PRKG1: variants seen among roughly 807,000 people sequenced by gnomAD.
The protein encoded by PRKG1 is cGMP-dependent protein kinase 1.
Under a neutral mutation model 88.1 loss-of-function variants are expected in PRKG1, and 35 were observed. The observed-to-expected ratio is 0.40, with a 90% CI of 0.30 to 0.53. The LOEUF (loss-of-function observed/expected upper bound fraction) is 0.53, where lower values mean the gene tolerates loss of function less well. Ranked by LOEUF, PRKG1 falls within the 20% of genes least tolerant of loss-of-function variation. PRKG1 has a pLI of 0.59. For synonymous variants in PRKG1, 303 were observed against 292.5 expected (o/e 1.04, Z -0.37); for missense variants, 540 against 839.8 (o/e 0.64, Z 4.41).
In PRKG1 at chr10:51,663,131, G is replaced by T. The variant is rs118045440; in HGVS notation, c.593-141454G>T. 2.9e-3 allele frequency among the ~76,000 whole-genome samples: 436 copies of T among 152,088 alleles called. 4 individuals carry two copies. Among genetic ancestry groups the T allele is most frequent in the African/African-American group, 9.7e-3 (404 of 41,484 alleles). ...GTGATGAAAACAGAACCAGAAAACC[G>T]CAATGAGAAAGGGAAAGAGAAGATA... On this transcript the variant is annotated intron_variant, in intron 3 of 17. Transcript: ENST00000373980.
At chr10:51,685,217 A>G (rs1840957356) in intron 3 of PRKG1, among the ~76,000 whole-genome samples, 1 of 152,166 alleles carries the variant, frequency 6.6e-6, no homozygotes. Context: ...GGGGACAGTA[A>G]GGGCTTGGAA....
intron 1 of PRKG1, among the ~76,000 whole-genome samples, chr10:51,046,044 A>G (rs150215553): frequency 5.6e-4 from 85 of 152,354 alleles, no homozygotes; most frequent in African/African-American, 1.9e-3. Context: ...CCTCAAAGTT[A>G]GTAGATAGCG....
At chr10:52,164,879 C>T (rs1838388245) in intron 9 of PRKG1, among the ~76,000 whole-genome samples, 1 of 152,146 alleles carries the variant, frequency 6.6e-6, no homozygotes, top group South Asian at 2.1e-4. Flanking sequence ...TCTACCACCT[C>T]ACATAGTTAC....
chr10:51,175,334 TAC>T (rs1237236360), intron 2 of PRKG1, among the ~76,000 whole-genome samples: 1 of 151,908 alleles, frequency 6.6e-6, no homozygotes, highest in African/African-American at 2.4e-5. Flanking sequence ...TACACATATA[TAC>T]ACACACATAC....
chr10:51,483,258 T>C (rs189559612), intron 3 of PRKG1, among the ~76,000 whole-genome samples: 44 of 152,238 alleles, frequency 2.9e-4, no homozygotes, highest in African/African-American at 9.4e-4. Flanking sequence ...CTGACCTCAG[T>C]GATCCACATG....
intron 2 of PRKG1, among the ~76,000 whole-genome samples, chr10:51,188,941 T>A (rs180844504): frequency 1.3e-5 from 2 of 151,772 alleles, no homozygotes; most frequent in Non-Finnish European, 2.9e-5. Flanking sequence ...GTGTCTGCAG[T>A]TTAGCTTATT....
At chr10:51,071,674 TA>T (rs566376449), upstream of PRKG1, among the ~76,000 whole-genome samples, 1 of 152,202 alleles carries the variant, frequency 6.6e-6, no homozygotes, top group African/African-American at 2.4e-5. Flanking sequence ...TAATTTAGTG[TA>T]AAAAAACTCA....
chr10:51,745,746 C>T (rs1014557062), intron 3 of PRKG1, among the ~76,000 whole-genome samples: 5 of 152,164 alleles, frequency 3.3e-5, no homozygotes, highest in African/African-American at 9.7e-5. Context: ...TGGTGTCTCA[C>T]GCCTATAATC....
At chr10:51,044,663 G>A (rs1009004931) in intron 1 of PRKG1, among the ~76,000 whole-genome samples, 3 of 152,112 alleles carry the variant, frequency 2.0e-5, no homozygotes, top group Non-Finnish European at 2.9e-5. Flanking sequence ...GAGAGGCAAG[G>A]CAGGCTGTGG....
chr10:52,178,158 T>C (rs1004653514), intron 9 of PRKG1, among the ~76,000 whole-genome samples: 1 of 152,054 alleles, frequency 6.6e-6, no homozygotes, highest in Admixed American at 6.5e-5. Context: ...TTCTTAAGAA[T>C]GCTTTGCTGT....
chr10:52,044,952 G>C (rs10823999), intron 5 of PRKG1, among the ~76,000 whole-genome samples: 2 of 151,982 alleles, frequency 1.3e-5, no homozygotes, highest in East Asian at 3.9e-4. Flanking sequence ...TTAAACCTTT[G>C]TGTCAACTCC....
At chr10:51,826,005 C>T (rs897496261) in intron 4 of PRKG1, among the ~76,000 whole-genome samples, 21 of 152,140 alleles carry the variant, frequency 1.4e-4, no homozygotes, top group African/African-American at 4.8e-4. Context: ...GATGCCCATT[C>T]ATGGGTACAA....
intron 3 of PRKG1, among the ~76,000 whole-genome samples, chr10:51,532,815 A>C (rs2132096597): frequency 6.6e-6 from 1 of 152,290 alleles, no homozygotes; most frequent in East Asian, 1.9e-4. Flanking sequence ...TTAAGTGGAC[A>C]ACCACCTAAA....
rs544679231 is a variant in PRKG1, at chr10:51,840,737, G to A, written c.698+36047G>A. On this transcript the variant is annotated intron_variant, in intron 4 of 17. Coordinates refer to ENST00000373980, the MANE Select transcript of PRKG1 (RefSeq NM_006258.4). ...AATTTTTTATTCTTAGCAGAGACGG[G>A]GTTTTGCCATGTTGGCCAGGCTGGT... Among the ~76,000 whole-genome samples, 368 of 152,092 alleles carry A rather than the reference G, an allele frequency of 2.4e-3. 2 individuals carry two copies. The highest frequency in any genetic ancestry group is 4.3e-3 in the Non-Finnish European group (293 of 67,984).
rs573648481 is a variant in PRKG1 at position 51,586,272 on chromosome 10, C to T, written c.592+118436C>T. On this transcript the variant is annotated intron_variant, in intron 3 of 17. Transcript: ENST00000373980. ...CCACTGAAGGTTTACAGACATATTACATACTAAAGCTATAGTTTTGAACAA... is the reference window on the plus strand; with the variant it reads ...CCACTGAAGGTTTACAGACATATTATATACTAAAGCTATAGTTTTGAACAA... 3.3e-5 allele frequency among the ~76,000 whole-genome samples: 5 copies of T among 152,212 alleles called. No homozygotes were observed. In the East Asian group the frequency reaches 5.8e-4, roughly 18 times the overall value.
chr10:51,193,265 T>A (rs940614207), intron 2 of PRKG1, among the ~76,000 whole-genome samples: 1 of 151,944 alleles, frequency 6.6e-6, no homozygotes, highest in African/African-American at 2.4e-5. Flanking sequence ...TCAGTATGCC[T>A]CAGAAACCAT....
At chr10:51,295,323 A>G (rs1043093272) in intron 2 of PRKG1, among the ~76,000 whole-genome samples, 23 of 152,088 alleles carry the variant, frequency 1.5e-4, no homozygotes, top group African/African-American at 5.6e-4. Flanking sequence ...TCAATATTTT[A>G]TAATTTCCAG....
intron 3 of PRKG1, among the ~76,000 whole-genome samples, chr10:51,479,237 G>A (rs575690506): frequency 2.6e-4 from 40 of 151,510 alleles, no homozygotes; most frequent in East Asian, 1.2e-3. Flanking sequence ...AAAATTTTTC[G>A]TAATTTTCTG....
chr10:51,087,396 A>C (rs147110380), intron 1 of PRKG1, among the ~76,000 whole-genome samples: 40 of 152,332 alleles, frequency 2.6e-4, no homozygotes, highest in African/African-American at 9.1e-4. Flanking sequence ...CAGCAATCTG[A>C]TAAAGTAGCT....
Sources: gnomAD v4.1 joint callset for allele counts (sites outside exome capture counted in the v4.1 genomes callset) on GRCh38, gnomAD v4.1.1 for gene constraint, MANE v1.5 for transcripts, NCBI Gene and HGNC (gene_info 2026-07-23, HGNC 2026-07-21) for gene names.